The following ASIC2 variants were observed in gnomAD, a reference collection of about 807,000 sequenced individuals.
The protein encoded by ASIC2 is acid sensing ion channel subunit 2.
In ASIC2, 25 loss-of-function variants were observed where a neutral mutation model predicts 57.3. That is an observed-to-expected ratio of 0.44 (90% CI 0.32 to 0.61). The LOEUF is 0.61. Among genes scored for constraint, ASIC2 ranks in the 20% least tolerant of loss-of-function variants. The pLI, the probability that ASIC2 is intolerant of heterozygous loss-of-function variation, is 0.06. For missense variants in ASIC2, 641 were observed against 738.1 expected (o/e 0.87, Z 1.52); for synonymous variants, 319 against 307.5 (o/e 1.04, Z -0.39).
chr17:33,368,273 C>CT (rs1370570844), intron 1 of ASIC2, among the ~76,000 whole-genome samples: 1 of 152,156 alleles, frequency 6.6e-6, no homozygotes, highest in Non-Finnish European at 1.5e-5. Context: ...TCTGGCTACC[C>CT]TAAAGCTGCC....
chr17:33,491,086 A>C (rs988749305), intron 1 of ASIC2, among the ~76,000 whole-genome samples: 1 of 152,034 alleles, frequency 6.6e-6, no homozygotes, highest in African/African-American at 2.4e-5. Flanking sequence ...TTGGGTTTGC[A>C]CCTACTTCCA....
intron 1 of ASIC2, among the ~76,000 whole-genome samples, chr17:33,814,318 G>A (rs568579855): frequency 6.6e-6 from 1 of 152,198 alleles, no homozygotes; most frequent in South Asian, 2.1e-4. Context: ...AAGTGACATC[G>A]GATGCAAAAA....
intron 1 of ASIC2, among the ~76,000 whole-genome samples, chr17:33,608,775 C>A (rs1905300646): frequency 6.6e-6 from 1 of 152,186 alleles, no homozygotes; most frequent in Non-Finnish European, 1.5e-5. Flanking sequence ...GAGCCCTTCA[C>A]CAGTATTAAG....
chr17:33,877,876 A>T (rs1030676195), intron 1 of ASIC2, among the ~76,000 whole-genome samples: 1 of 152,208 alleles, frequency 6.6e-6, no homozygotes, highest in African/African-American at 2.4e-5. Flanking sequence ...GCAGACTGAC[A>T]CCTCACACAG....
At chr17:34,038,897 T>C in intron 1 of ASIC2, 4 of 1,612,800 alleles carry the variant, frequency 2.5e-6, no homozygotes, top group Non-Finnish European at 3.4e-6. Context: ...ATTTATCCTT[T>C]CCTGTTGCTT....
chr17:33,296,037 A>G (rs1905708544), upstream of ASIC2, among the ~76,000 whole-genome samples: 1 of 151,842 alleles, frequency 6.6e-6, no homozygotes, highest in Non-Finnish European at 1.5e-5. Flanking sequence ...TTTGAATCCA[A>G]CTCTAACTCA....
chr17:34,038,644 C>A, intron 1 of ASIC2: 1 of 1,589,890 alleles, frequency 6.3e-7, no homozygotes, highest in Non-Finnish European at 8.6e-7. Flanking sequence ...GTTTTCTAAC[C>A]CTTTCTAGCC....
chr17:33,898,691 C>G (rs1261437475), intron 1 of ASIC2, among the ~76,000 whole-genome samples: 1 of 152,162 alleles, frequency 6.6e-6, no homozygotes, highest in Admixed American at 6.5e-5. Flanking sequence ...ATCCAAGATG[C>G]CACGTGGCAT....
intron 1 of ASIC2, among the ~76,000 whole-genome samples, chr17:33,919,419 G>A (rs1030027033): frequency 6.6e-6 from 1 of 152,262 alleles, no homozygotes; most frequent in East Asian, 1.9e-4. Flanking sequence ...AACGGGGAAA[G>A]GACCTTTTAT....
chr17:33,502,967 G>T (rs1401190607), intron 1 of ASIC2, among the ~76,000 whole-genome samples: 1 of 152,142 alleles, frequency 6.6e-6, no homozygotes, highest in Non-Finnish European at 1.5e-5. Context: ...TTCAAGGAAG[G>T]CACATTTGAG....
At chr17:33,111,464 T>A (rs1237999656) in intron 2 of ASIC2, among the ~76,000 whole-genome samples, 1 of 152,192 alleles carries the variant, frequency 6.6e-6, no homozygotes, top group Non-Finnish European at 1.5e-5. Flanking sequence ...TGAACCCACA[T>A]CCTTTGGTAT....
At chr17:33,356,094 TGTAAAA>T (rs1290355984) in intron 1 of ASIC2, among the ~76,000 whole-genome samples, 1 of 152,080 alleles carries the variant, frequency 6.6e-6, no homozygotes, top group Non-Finnish European at 1.5e-5. Context: ...AAACAGCATG[TGTAAAA>T]GTTAGAGAAC....
At chr17:33,424,206 C>T (rs1256333265) in intron 1 of ASIC2, among the ~76,000 whole-genome samples, 3 of 152,166 alleles carry the variant, frequency 2.0e-5, no homozygotes, top group African/African-American at 4.8e-5. Context: ...CTCCTGCCCC[C>T]AAGGGTTATA....
At chr17:33,731,309 T>C (rs973865554) in intron 1 of ASIC2, among the ~76,000 whole-genome samples, 3 of 152,166 alleles carry the variant, frequency 2.0e-5, no homozygotes, top group Non-Finnish European at 2.9e-5. Flanking sequence ...GACATTGCCA[T>C]AGGAGTGCTA....
intron 1 of ASIC2, among the ~76,000 whole-genome samples, chr17:33,826,181 G>A (rs1912903089): frequency 6.6e-6 from 1 of 152,156 alleles, no homozygotes; most frequent in South Asian, 2.1e-4. Flanking sequence ...CAGTTTCAAG[G>A]TTACCTTTTA....
At chr17:33,529,000 G>C (rs1385746757) in intron 1 of ASIC2, among the ~76,000 whole-genome samples, 1 of 152,176 alleles carries the variant, frequency 6.6e-6, no homozygotes, top group Non-Finnish European at 1.5e-5. Flanking sequence ...ATATTGGAGG[G>C]AGTAAGAGAG....
chr17:33,470,961 G>A (rs1326713990), intron 1 of ASIC2, among the ~76,000 whole-genome samples: 2 of 151,998 alleles, frequency 1.3e-5, no homozygotes, highest in Non-Finnish European at 2.9e-5. Flanking sequence ...TTTCAGGAAT[G>A]TATTCTGGAT....
At chr17:33,879,604 G>A (rs1914647021) in intron 1 of ASIC2, among the ~76,000 whole-genome samples, 1 of 152,146 alleles carries the variant, frequency 6.6e-6, no homozygotes, top group South Asian at 2.1e-4. Context: ...GATTCATGAA[G>A]CAAGTCCTTA....
intron 1 of ASIC2, among the ~76,000 whole-genome samples, chr17:33,611,644 G>T (rs1442839737): frequency 6.6e-6 from 1 of 152,258 alleles, no homozygotes; most frequent in Non-Finnish European, 1.5e-5. Context: ...TAAAGGGGCA[G>T]TGGCCATCTG....
Sources: allele counts gnomAD v4.1 joint callset (sites outside exome capture counted in the v4.1 genomes callset), GRCh38; gene constraint gnomAD v4.1.1; transcripts MANE v1.5; gene names NCBI Gene and HGNC (gene_info 2026-07-23, HGNC 2026-07-21).